GATAD2A: variants seen among roughly 807,000 people sequenced by gnomAD.
The protein encoded by GATAD2A is transcriptional repressor p66-alpha.
In GATAD2A, 12 loss-of-function variants were observed where a neutral mutation model predicts 68.5. The ratio of observed to expected loss-of-function variants is 0.18; its 90% CI spans 0.11 to 0.28. The LOEUF is 0.28. GATAD2A is among the 10% of genes least tolerant of loss of function. The probability of loss-of-function intolerance (pLI) is 1.00; values close to 1 mark genes in which losing one functional copy is unlikely to be tolerated. For missense variants in GATAD2A, 755 were observed against 868.5 expected (o/e 0.87, Z 1.64); for synonymous variants, 410 against 375.3 (o/e 1.09, Z -1.07).
intron 1 of GATAD2A, among the ~76,000 whole-genome samples, chr19:19,462,581 G>C (rs931451276): frequency 6.6e-6 from 1 of 152,220 alleles, no homozygotes; most frequent in Admixed American, 6.5e-5. Flanking sequence ...GTGAGCTGCT[G>C]TGCACCTTGA....
intron 9 of GATAD2A, among the ~76,000 whole-genome samples, 173 bp from the exon 10 acceptor site, chr19:19,501,796 C>T (rs2060543947): frequency 6.6e-6 from 1 of 152,182 alleles, no homozygotes; most frequent in South Asian, 2.1e-4. Context: ...TCCCTTTTGG[C>T]AATTTTTGTT....
chr19:19,445,709 A>T (rs148982801), intron 1 of GATAD2A, among the ~76,000 whole-genome samples: 1 of 152,222 alleles, frequency 6.6e-6, no homozygotes, highest in East Asian at 1.9e-4. Context: ...TTCACTTAGC[A>T]TGATGTTTTC....
intron 1 of GATAD2A, among the ~76,000 whole-genome samples, chr19:19,429,867 C>G (rs866804827): frequency 1.3e-5 from 2 of 152,186 alleles, no homozygotes; most frequent in Non-Finnish European, 2.9e-5. Context: ...TCTGCCAAGT[C>G]ATACTCTTCC....
At chr19:19,486,772 TCTAAGGTG>T (rs2059463312) in intron 2 of GATAD2A, among the ~76,000 whole-genome samples, 1 of 152,092 alleles carries the variant, frequency 6.6e-6, no homozygotes, top group Non-Finnish European at 1.5e-5. Context: ...CAGCCGGCTG[TCTAAGGTG>T]CCCGAGCCTC....
intron 2 of GATAD2A, among the ~76,000 whole-genome samples, chr19:19,490,436 C>A (rs746460277): frequency 6.6e-6 from 1 of 152,064 alleles, no homozygotes; most frequent in Admixed American, 6.5e-5. Context: ...TTCATCCTAG[C>A]GACTCTCCTC....
intron 1 of GATAD2A, among the ~76,000 whole-genome samples, chr19:19,448,316 G>A (rs925350789): frequency 1.3e-5 from 2 of 152,358 alleles, no homozygotes; most frequent in Non-Finnish European, 2.9e-5. Flanking sequence ...CTCTGGGGCC[G>A]CAGGGTTGGG....
At chr19:19,428,857 A>G (rs1031000008) in intron 1 of GATAD2A, among the ~76,000 whole-genome samples, 14 of 152,100 alleles carry the variant, frequency 9.2e-5, no homozygotes, top group Non-Finnish European at 1.8e-4. Context: ...CTCCCCAAAT[A>G]GCATGCCAGG....
intron 1 of GATAD2A, among the ~76,000 whole-genome samples, chr19:19,392,854 G>T (rs567151764): frequency 1.4e-4 from 22 of 151,916 alleles, no homozygotes; most frequent in Admixed American, 3.9e-4. Context: ...GCACCACTGC[G>T]CTCAGCTGAT....
Position 19,496,128 on chromosome 19 carries a change from G to T in GATAD2A, c.833G>T (p.Ser278Ile). 4 of 1,613,690 alleles carry T rather than the reference G, an allele frequency of 2.5e-6. No individual in the cohort carries two copies. Among genetic ancestry groups the T allele is most frequent in the Non-Finnish European group, 3.4e-6 (4 of 1,179,896 alleles). The change falls in exon 7 of 12, where the codon AGT becomes ATT. Residue 278 changes from serine to isoleucine, a missense_variant. By Grantham distance (142) the Ser-to-Ile change is moderately radical (BLOSUM62 -2). Coordinates refer to ENST00000683918, the MANE Select transcript of GATAD2A (RefSeq NM_001384528.1). ...LLLAPRASVP[S>I]VQIQGQRIIQ... ...CTGGCCCCCCGGGCGTCGGTGCCCA[G>T]TGTGCAGATTCAGGGACAGAGGATC...
chr19:19,427,096 A>G (rs1350419061), intron 1 of GATAD2A, among the ~76,000 whole-genome samples: 1 of 151,480 alleles, frequency 6.6e-6, no homozygotes, highest in Non-Finnish European at 1.5e-5. Context: ...TCAAATTCTT[A>G]AAGACAGAAG....
intron 2 of GATAD2A, among the ~76,000 whole-genome samples, chr19:19,477,904 CCA>C (rs1600234962): frequency 1.3e-5 from 2 of 152,298 alleles, no homozygotes; most frequent in East Asian, 3.9e-4. Flanking sequence ...TGTGTTTGAT[CCA>C]CAGCCATAGG....
intron 2 of GATAD2A, among the ~76,000 whole-genome samples, chr19:19,478,041 T>C (rs1042753986): frequency 2.0e-5 from 3 of 152,260 alleles, no homozygotes; most frequent in African/African-American, 7.2e-5. Context: ...TAAGCAATTA[T>C]AGTGTATCTT....
chr19:19,438,927 A>T (rs1291829531), intron 1 of GATAD2A, among the ~76,000 whole-genome samples: 1 of 152,204 alleles, frequency 6.6e-6, no homozygotes, highest in East Asian at 1.9e-4. Context: ...ATATTGATAG[A>T]TTTTAGGTTT....
At chr19:19,449,343 G>A (rs1481419629) in intron 1 of GATAD2A, among the ~76,000 whole-genome samples, 2 of 118,746 alleles carry the variant, frequency 1.7e-5, no homozygotes, top group East Asian at 2.1e-4. Context: ...CCTAGTGTGA[G>A]TTACATTAGG....
At position 19,505,370 on chromosome 19, in the gene GATAD2A, A is replaced by G; in HGVS notation, c.1801A>G (p.Ser601Gly). Residue 601 changes from serine to glycine, a missense_variant, in exon 12 of 12, where the codon AGC becomes GGC. Coordinates refer to ENST00000683918, the MANE Select transcript of GATAD2A (RefSeq NM_001384528.1). ...TGGTLAFVSP[S>G]LAVHKSSSAV... ...CGGGACCCTTGCGTTTGTCAGCCCAAGCCTGGCGGTGCACAAGAGCTCCTC... is the reference window on the plus strand; with the variant it reads ...CGGGACCCTTGCGTTTGTCAGCCCAGGCCTGGCGGTGCACAAGAGCTCCTC... 1.2e-6 allele frequency: 2 copies of G among 1,613,354 alleles called. No individual in the cohort carries two copies. Among genetic ancestry groups the G allele is most frequent in the African/African-American group, 1.3e-5 (1 of 75,014 alleles).
At chr19:19,475,609 G>A (rs1309901826) in intron 2 of GATAD2A, among the ~76,000 whole-genome samples, 2 of 152,176 alleles carry the variant, frequency 1.3e-5, no homozygotes, top group African/African-American at 4.8e-5. Context: ...CCCAGGGAGT[G>A]CCTTCACCAG....
intron 7 of GATAD2A, 93 bp from the exon 8 acceptor site, chr19:19,498,350 T>G: frequency 8.7e-7 from 1 of 1,146,830 alleles, no homozygotes; most frequent in South Asian, 1.5e-5. Flanking sequence ...TACTGGTTAG[T>G]GCAGTTGACA....
chr19:19,418,768 G>C (rs1179370831), intron 1 of GATAD2A, among the ~76,000 whole-genome samples: 1 of 152,134 alleles, frequency 6.6e-6, no homozygotes, highest in Admixed American at 6.6e-5. Context: ...AGCTCTTTTG[G>C]CAGAGTTTGG....
intron 1 of GATAD2A, among the ~76,000 whole-genome samples, chr19:19,452,621 G>GGC (rs2056509405): frequency 6.6e-6 from 1 of 151,768 alleles, no homozygotes; most frequent in Non-Finnish European, 1.5e-5. Context: ...GAAGGACCAA[G>GGC]GCAGGGAGTG....
Sources: gnomAD v4.1 joint callset for allele counts (sites outside exome capture counted in the v4.1 genomes callset) on GRCh38, gnomAD v4.1.1 for gene constraint, MANE v1.5 for transcripts, NCBI Gene and HGNC (gene_info 2026-07-23, HGNC 2026-07-21) for gene names.